Variants in BPTF observed in about 807,000 individuals in gnomAD.
The protein encoded by BPTF is nucleosome-remodeling factor subunit BPTF.
A neutral mutation model predicts 292.5 loss-of-function variants in BPTF; 18 were observed. The ratio of observed to expected loss-of-function variants is 0.06; its 90% CI spans 0.04 to 0.09. The LOEUF (loss-of-function observed/expected upper bound fraction) is 0.09. Ranked by LOEUF, BPTF falls within the 10% of genes least tolerant of loss-of-function variation. The pLI, the probability that BPTF is intolerant of heterozygous loss-of-function variation, is 1.00. For synonymous variants in BPTF, 1,225 were observed against 1,251.9 expected, an observed-to-expected ratio of 0.98 and a Z score of 0.45; for missense variants, 2,726 against 3,498.7, an observed-to-expected ratio of 0.78 and a Z score of 5.57.
chr17:67,894,377 A>G (rs1458255416), intron 7 of BPTF, among the ~76,000 whole-genome samples: 1 of 151,932 alleles, frequency 6.6e-6, no homozygotes, highest in African/African-American at 2.4e-5. Flanking sequence ...TGCCCAGGCT[A>G]GCATGCAGTG....
intron 1 of BPTF, among the ~76,000 whole-genome samples, chr17:67,839,326 GT>G (rs1056669394): frequency 5.3e-5 from 8 of 150,568 alleles, no homozygotes; most frequent in African/African-American, 1.5e-4. Context: ...TTTTTCCTAA[GT>G]TTTTTTTTAA....
chr17:67,977,859 CTT>C (rs1224005594), intron 27 of BPTF: 4 of 140,694 alleles, frequency 2.8e-5, no homozygotes, highest in Non-Finnish European at 3.1e-5. Flanking sequence ...AAAAAAGTAT[CTT>C]TTTTTTTTTT....
intron 7 of BPTF, among the ~76,000 whole-genome samples, chr17:67,896,810 G>C (rs887629808): frequency 8.5e-5 from 13 of 152,088 alleles, no homozygotes; most frequent in African/African-American, 3.1e-4. Flanking sequence ...AGACTTCCTA[G>C]GAGAAGTTGC....
At chr17:67,968,595 G>A (rs1257816309) in intron 26 of BPTF, among the ~76,000 whole-genome samples, 2 of 150,746 alleles carry the variant, frequency 1.3e-5, no homozygotes, top group South Asian at 2.1e-4. Flanking sequence ...TGGCTAACAC[G>A]GTGAAACCCC....
intron 17 of BPTF, among the ~76,000 whole-genome samples, chr17:67,929,910 G>A (rs1186123827): frequency 6.6e-6 from 1 of 152,112 alleles, no homozygotes; most frequent in Admixed American, 6.5e-5. Context: ...GAGCTCAGGA[G>A]TACAGGGCCA....
intron 1 of BPTF, among the ~76,000 whole-genome samples, chr17:67,847,904 GC>G (rs1056412465): frequency 5.9e-5 from 9 of 152,104 alleles, no homozygotes; most frequent in African/African-American, 2.2e-4. Context: ...AGATTTCAAT[GC>G]ATCACAGGTT....
intron 3 of BPTF, among the ~76,000 whole-genome samples, chr17:67,873,535 T>G (rs980453405): frequency 6.6e-6 from 1 of 152,100 alleles, no homozygotes; most frequent in African/African-American, 2.4e-5. Context: ...ATAAATTTAT[T>G]TTTATGAGGA....
At chr17:67,875,584 C>G (rs2060002831) in intron 4 of BPTF, 1 of 1,569,352 alleles carries the variant, frequency 6.4e-7, no homozygotes, top group Non-Finnish European at 8.6e-7. Context: ...ATAAAGGTAA[C>G]TCTGTGTCAG....
intron 1 of BPTF, among the ~76,000 whole-genome samples, chr17:67,852,462 CTT>C (rs35306191): frequency 2.8e-5 from 2 of 70,582 alleles, no homozygotes; most frequent in African/African-American, 2.9e-4. Flanking sequence ...CCTTGCCCTC[CTT>C]TTTATTTTTA....
At chr17:67,878,786 AGTT>A (rs987384222) in intron 4 of BPTF, among the ~76,000 whole-genome samples, 6 of 151,780 alleles carry the variant, frequency 4.0e-5, no homozygotes, top group Non-Finnish European at 8.8e-5. Flanking sequence ...TTTGCTTTGT[AGTT>A]GTTTCATGGG....
intron 4 of BPTF, among the ~76,000 whole-genome samples, chr17:67,876,670 A>C (rs1335855973): frequency 6.6e-6 from 1 of 152,024 alleles, no homozygotes; most frequent in Admixed American, 6.6e-5. Flanking sequence ...GCTGGACATG[A>C]TATCATGCGC....
At chr17:67,916,012 ATATT>A (rs2062959267) in intron 11 of BPTF, among the ~76,000 whole-genome samples, 1 of 152,058 alleles carries the variant, frequency 6.6e-6, no homozygotes, top group African/African-American at 2.4e-5. Context: ...TTGCAAATAA[ATATT>A]TATTTGCTTT....
At chr17:67,961,874 CGA>C (rs2067533191) in intron 24 of BPTF, among the ~76,000 whole-genome samples, 1 of 151,512 alleles carries the variant, frequency 6.6e-6, no homozygotes, top group Non-Finnish European at 1.5e-5. Context: ...CTCGGGAGGC[CGA>C]GTCAGGAGAA....
At chr17:67,957,271 G>T (rs1365819985) in intron 23 of BPTF, 1 of 152,468 alleles carries the variant, frequency 6.6e-6, no homozygotes, top group African/African-American at 2.4e-5. Context: ...CAACAAGAGC[G>T]AAACTCCGTC....
intron 9 of BPTF, among the ~76,000 whole-genome samples, chr17:67,906,058 T>A (rs187505571): frequency 2.2e-4 from 33 of 152,088 alleles, no homozygotes; most frequent in African/African-American, 8.0e-4. Context: ...TTTAAAAAAA[T>A]AATGAGGTTT....
intron 27 of BPTF, among the ~76,000 whole-genome samples, chr17:67,977,128 T>C (rs1555694409): frequency 6.6e-6 from 1 of 152,186 alleles, no homozygotes; most frequent in Admixed American, 6.5e-5. Context: ...AGCCTAGAAG[T>C]CTGTGCAGCC....
chr17:67,882,611 T>C (rs1036006723), intron 4 of BPTF, among the ~76,000 whole-genome samples: 5 of 152,356 alleles, frequency 3.3e-5, no homozygotes, highest in Admixed American at 2.6e-4. Context: ...ACACTAAGAC[T>C]ACTGAATGGC....
At chr17:67,930,523 A>G (rs2064289912) in intron 17 of BPTF, among the ~76,000 whole-genome samples, 1 of 152,188 alleles carries the variant, frequency 6.6e-6, no homozygotes, top group Non-Finnish European at 1.5e-5. Context: ...CTTTGTTACT[A>G]GTATGGAAAA....
chr17:67,847,512 TA>T lies in BPTF; in HGVS notation c.614-6413del, dbSNP rs762923694. ...GTGGGTGACAGGGTGAGACTCCGTC[TA>T]AAAAAAAAAAAAAATTATCCGGGTG... On this transcript the variant is annotated intron_variant, in intron 1 of 27. Transcript: ENST00000306378. Among the ~76,000 whole-genome samples, 914 of 135,188 alleles carry T rather than the reference TA, an allele frequency of 6.8e-3. 2 individuals are homozygous for T. The highest frequency in any genetic ancestry group is 6.4e-3 in the Non-Finnish European group (397 of 62,168). 88.7% of individuals were successfully genotyped at this position (135,188 alleles called of 152,430 possible).
Sources: gnomAD v4.1 joint callset for allele counts (sites outside exome capture counted in the v4.1 genomes callset) on GRCh38, gnomAD v4.1.1 for gene constraint, MANE v1.5 for transcripts, NCBI Gene and HGNC (gene_info 2026-07-23, HGNC 2026-07-21) for gene names.